Variants in CPA6 observed in about 807,000 individuals in gnomAD.
CPA6 encodes the protein carboxypeptidase B.
CPA6 carries 58 observed loss-of-function variants against 63.3 expected under a neutral mutation model. The ratio of observed to expected loss-of-function variants is 0.92; its 90% CI spans 0.74 to 1.14. CPA6 has a LOEUF of 1.14. CPA6 is among the 50% of genes most tolerant of loss of function. The pLI is 0.00. For missense variants in CPA6, 565 were observed against 526.6 expected (o/e 1.07, Z -0.71); for synonymous variants, 185 against 179.0 (o/e 1.03, Z -0.27).
chr8:67,543,556 G>A lies in CPA6; in HGVS notation c.193-25509C>T, dbSNP rs1031603805. On this transcript the variant is annotated intron_variant, in intron 2 of 10. Coordinates refer to ENST00000297770, the MANE Select transcript of CPA6 (RefSeq NM_020361.5). The stretch of plus-strand genomic sequence containing the variant: ...TGGGAAGACAGATTTCCTTGGGAGA[G>A]CTTGTGGTTCTGAGGCATCCGTTAA... Among the ~76,000 whole-genome samples the A allele has an allele frequency of 2.6e-5, 4 of 152,158 alleles. No homozygotes were observed. In the East Asian group the frequency reaches 7.7e-4, roughly 29 times the overall value.
chr8:67,739,466 G>T (rs373185632), intron 1 of CPA6, among the ~76,000 whole-genome samples: 1 of 152,148 alleles, frequency 6.6e-6, no homozygotes, highest in Non-Finnish European at 1.5e-5. Context: ...GTGGGGAAAC[G>T]TTCTTAACCA....
In CPA6 at chr8:67,475,814, TTTCCTTTC is replaced by T. The variant is rs1563967520; in HGVS notation, c.838+7946_838+7953del. Among the ~76,000 whole-genome samples the T allele has an allele frequency of 4.8e-4, 29 of 59,938 alleles. 1 individual carries two copies. Among genetic ancestry groups the T allele is most frequent in the African/African-American group, 2.9e-3 (28 of 9,752 alleles). 39.3% of individuals were successfully genotyped at this position (59,938 alleles called of 152,430 possible). A position where few individuals can be genotyped will look rare whatever the true frequency, so the allele number is the denominator to read the frequency against. ...CTTTCTTTCTTTCTTTCTTTCTTTCTTTCCTTTCTTTTCTTTCTTTCTTTCTTTCTTTC... is the reference window on the plus strand; with the variant it reads ...CTTTCTTTCTTTCTTTCTTTCTTTCTTTTTCTTTCTTTCTTTCTTTCTTTC... On this transcript the variant is annotated intron_variant, in intron 8 of 10. Transcript: ENST00000297770.
intron 2 of CPA6, among the ~76,000 whole-genome samples, chr8:67,613,186 C>A (rs1277432610): frequency 6.6e-6 from 1 of 152,170 alleles, no homozygotes; most frequent in African/African-American, 2.4e-5. Context: ...TTTCATGATA[C>A]CTGTTTGCTC....
chr8:67,608,293 G>A (rs1814718680), intron 2 of CPA6, among the ~76,000 whole-genome samples: 1 of 152,142 alleles, frequency 6.6e-6, no homozygotes, highest in Non-Finnish European at 1.5e-5. Context: ...CCTATCCTGT[G>A]TCCATATAAA....
In CPA6 at chr8:67,704,295, G is replaced by A. The variant is rs959519822; in HGVS notation, c.116+41719C>T. Among the ~76,000 whole-genome samples the A allele has an allele frequency of 8.5e-5, 13 of 152,212 alleles. No homozygotes were observed. The East Asian group carries it at 1.2e-3, about 14-fold the overall frequency. ...CACTTCTGTGCCCTTCTCAATACGCGTCAAGACCTTCAAGGTCATATTTGA... is the reference window on the plus strand; with the variant it reads ...CACTTCTGTGCCCTTCTCAATACGCATCAAGACCTTCAAGGTCATATTTGA... On this transcript the variant is annotated intron_variant, in intron 1 of 10. Coordinates refer to ENST00000297770, the MANE Select transcript of CPA6 (RefSeq NM_020361.5).
intron 1 of CPA6, among the ~76,000 whole-genome samples, chr8:67,743,168 G>A (rs1025301138): frequency 5.3e-5 from 8 of 152,028 alleles, no homozygotes; most frequent in Admixed American, 1.3e-4. Flanking sequence ...AAATATAATC[G>A]AAGTCGTTAT....
chr8:67,499,513 A>G (rs1211668442), intron 6 of CPA6, among the ~76,000 whole-genome samples: 1 of 152,190 alleles, frequency 6.6e-6, no homozygotes, highest in African/African-American at 2.4e-5. Flanking sequence ...ATTTTTCCCC[A>G]TTGGTAATAT....
intron 8 of CPA6, among the ~76,000 whole-genome samples, chr8:67,445,687 T>G (rs947932904): frequency 1.3e-5 from 2 of 152,210 alleles, no homozygotes; most frequent in African/African-American, 4.8e-5. Context: ...TTTTCTTCAA[T>G]GAATTTATGA....
At chr8:67,673,217 C>T (rs1816387339) in intron 1 of CPA6, among the ~76,000 whole-genome samples, 1 of 152,022 alleles carries the variant, frequency 6.6e-6, no homozygotes, top group South Asian at 2.1e-4. Flanking sequence ...TATTTGGCGG[C>T]ATTCATTCAA....
chr8:67,582,277 T>C (rs903586049), intron 2 of CPA6, among the ~76,000 whole-genome samples: 3 of 152,156 alleles, frequency 2.0e-5, no homozygotes, highest in Non-Finnish European at 4.4e-5. Flanking sequence ...CTGATAGATT[T>C]GTAATTATTG....
At chr8:67,745,499 C>G (rs1318319483) in intron 1 of CPA6, among the ~76,000 whole-genome samples, 1 of 152,088 alleles carries the variant, frequency 6.6e-6, no homozygotes, top group African/African-American at 2.4e-5. Flanking sequence ...TACTTTTATT[C>G]TGCTTATTTT....
chr8:67,726,259 G>A (rs1817594546), intron 1 of CPA6, among the ~76,000 whole-genome samples: 1 of 152,290 alleles, frequency 6.6e-6, no homozygotes, highest in African/African-American at 2.4e-5. Flanking sequence ...GAAGTTCAAA[G>A]TGATGGAAAG....
rs567176515 is a variant in CPA6 at position 67,689,737 on chromosome 8, C to T, written c.116+56277G>A. ...TGATAATAGTGCTGCGATGAACATACAAGTGCATGTGTCTTTTTGGTAGAA... is the reference window on the plus strand; with the variant it reads ...TGATAATAGTGCTGCGATGAACATATAAGTGCATGTGTCTTTTTGGTAGAA... On this transcript the variant is annotated intron_variant, in intron 1 of 10. Coordinates refer to ENST00000297770, the MANE Select transcript of CPA6 (RefSeq NM_020361.5). Among the ~76,000 whole-genome samples the T allele has an allele frequency of 1.1e-4, 16 of 152,294 alleles. No homozygotes were observed. The South Asian group carries it at 2.9e-3, about 28-fold the overall frequency.
chr8:67,720,151 C>A (rs958140879), intron 1 of CPA6, among the ~76,000 whole-genome samples: 1 of 149,752 alleles, frequency 6.7e-6, no homozygotes, highest in African/African-American at 2.5e-5. Flanking sequence ...TGTTCTCTGG[C>A]GGGCAGGAGT....
chr8:67,480,353 C>G (rs1347008074), intron 8 of CPA6, among the ~76,000 whole-genome samples: 1 of 152,018 alleles, frequency 6.6e-6, no homozygotes, highest in African/African-American at 2.4e-5. Flanking sequence ...CCCTAATTTT[C>G]CCCTCTCCTC....
intron 2 of CPA6, among the ~76,000 whole-genome samples, chr8:67,542,322 T>G (rs1229166021): frequency 2.0e-5 from 3 of 152,238 alleles, no homozygotes; most frequent in Non-Finnish European, 4.4e-5. Flanking sequence ...ACACTGAAAT[T>G]TTCTGTTTAC....
At position 67,520,090 on chromosome 8, in the gene CPA6, C is replaced by T. The variant is rs554004751; in HGVS notation, c.193-2043G>A. On this transcript the variant is annotated intron_variant, in intron 2 of 10. Transcript: ENST00000297770. The stretch of plus-strand genomic sequence containing the variant: ...TTGGGACTTGCCTCTAAACCCATTA[C>T]AGAGGCAGATTTTTTTATATTAAGG... 3.3e-5 allele frequency among the ~76,000 whole-genome samples: 5 copies of T among 152,214 alleles called. No individual in the cohort carries two copies. The East Asian group carries it at 9.6e-4, about 29-fold the overall frequency.
chr8:67,604,008 A>G (rs1255517866), intron 2 of CPA6, among the ~76,000 whole-genome samples: 1 of 152,194 alleles, frequency 6.6e-6, no homozygotes, highest in African/African-American at 2.4e-5. Flanking sequence ...TTTGATTGGA[A>G]AGGGTGAAAT....
intron 8 of CPA6, among the ~76,000 whole-genome samples, chr8:67,478,192 C>A (rs1811283376): frequency 6.6e-6 from 1 of 152,140 alleles, no homozygotes; most frequent in Admixed American, 6.5e-5. Flanking sequence ...CCCAAAAGAA[C>A]TGGATTCCGA....
Sources: gnomAD v4.1 joint callset for allele counts (sites outside exome capture counted in the v4.1 genomes callset) on GRCh38, gnomAD v4.1.1 for gene constraint, MANE v1.5 for transcripts, NCBI Gene and HGNC (gene_info 2026-07-23, HGNC 2026-07-21) for gene names.